The following UST variants were observed in gnomAD, a reference collection of about 807,000 sequenced individuals.
The protein encoded by UST is chondroitin sulfate 2-O-sulfotransferase.
UST carries 21 observed loss-of-function variants against 45.6 expected under a neutral mutation model. The ratio of observed to expected loss-of-function variants is 0.46; its 90% CI spans 0.33 to 0.66. The LOEUF (loss-of-function observed/expected upper bound fraction) is 0.66, where lower values mean the gene tolerates loss of function less well. Among genes scored for constraint, UST ranks in the 30% least tolerant of loss-of-function variants. The pLI is 0.02. For synonymous variants in UST, 215 were observed against 200.6 expected (o/e 1.07, Z -0.61); for missense variants, 463 against 512.4 (o/e 0.90, Z 0.93).
chr6:148,755,819 C>A lies in UST; in HGVS notation c.247+8142C>A, dbSNP rs185497280. Among the ~76,000 whole-genome samples the A allele has an allele frequency of 7.1e-4, 108 of 152,150 alleles. 2 individuals are homozygous for A. In the East Asian group the frequency reaches 0.019, roughly 27 times the overall value. On this transcript the variant is annotated intron_variant, in intron 1 of 7. Coordinates refer to ENST00000367463, the MANE Select transcript of UST (RefSeq NM_005715.3). The stretch of plus-strand genomic sequence containing the variant: ...CTGCCACCTCCACAGAGCTAGATGT[C>A]ATCTCTATAGTTCTGGTAATCATCC...
intron 3 of UST, among the ~76,000 whole-genome samples, chr6:148,945,226 A>G (rs915280617): frequency 1.3e-5 from 2 of 152,322 alleles, no homozygotes; most frequent in South Asian, 2.1e-4. Flanking sequence ...CTGAGTGGGT[A>G]TGATTCCCTG....
At chr6:148,867,315 CACACACACACACAT>C (rs774276928) in intron 1 of UST, among the ~76,000 whole-genome samples, 14 of 144,080 alleles carry the variant, frequency 9.7e-5, no homozygotes, top group South Asian at 2.3e-4. Context: ...CACACACACA[CACACACACACACAT>C]ATATATGTAC....
chr6:148,810,712 T>C (rs1356980471), intron 1 of UST, among the ~76,000 whole-genome samples: 2 of 152,154 alleles, frequency 1.3e-5, no homozygotes, highest in African/African-American at 4.8e-5. Flanking sequence ...ATACAAGGTG[T>C]CACCAGAGAG....
chr6:148,922,938 A>G (rs983086666), intron 2 of UST, among the ~76,000 whole-genome samples: 4 of 152,140 alleles, frequency 2.6e-5, no homozygotes, highest in African/African-American at 9.7e-5. Flanking sequence ...GATTACAGGC[A>G]TGCCCCATGA....
chr6:148,935,254 A>C (rs959193847), intron 2 of UST, among the ~76,000 whole-genome samples: 5 of 152,218 alleles, frequency 3.3e-5, no homozygotes, highest in African/African-American at 1.2e-4. Context: ...TAATTCATAG[A>C]ATGAAAGATT....
chr6:148,938,362 A>G lies in UST; in HGVS notation c.292-2917A>G, dbSNP rs577968141. Among the ~76,000 whole-genome samples, 207 of 152,322 alleles carry G rather than the reference A, an allele frequency of 1.4e-3. 2 individuals carry two copies. The highest frequency in any genetic ancestry group is 2.4e-3 in the Admixed American group (37 of 15,302). On this transcript the variant is annotated intron_variant, in intron 2 of 7. Transcript: ENST00000367463. ...TAAGAAAAAAATACATAATGGAAAA[A>G]TTGCACCAAAATGGCATGTGACTGG...
chr6:149,048,611 ATACT>A (rs1776427911), intron 7 of UST, among the ~76,000 whole-genome samples: 2 of 152,340 alleles, frequency 1.3e-5, no homozygotes, highest in South Asian at 2.1e-4. Context: ...TGTTTAAAAC[ATACT>A]TAAGTTGGCA....
chr6:149,061,223 C>G (rs989057089), intron 7 of UST, among the ~76,000 whole-genome samples: 1 of 152,092 alleles, frequency 6.6e-6, no homozygotes, highest in East Asian at 1.9e-4. Context: ...AGAGCCAGGG[C>G]TACATCGTTT....
intron 1 of UST, among the ~76,000 whole-genome samples, chr6:148,840,368 C>T (rs2128333): frequency 0.25 from 38,532 of 152,106 alleles, 6,150 homozygotes; most frequent in East Asian, 0.53. Flanking sequence ...TTGATTTACA[C>T]GTTCAGTTTT....
At chr6:148,950,472 G>C (rs1345310719) in intron 3 of UST, among the ~76,000 whole-genome samples, 1 of 152,152 alleles carries the variant, frequency 6.6e-6, no homozygotes, top group African/African-American at 2.4e-5. Flanking sequence ...ATAAATGTCA[G>C]AATTCCTGCT....
chr6:148,843,236 A>T (rs1228290167), intron 1 of UST, among the ~76,000 whole-genome samples: 2 of 152,268 alleles, frequency 1.3e-5, no homozygotes, highest in African/African-American at 2.4e-5. Context: ...AGCAAAGGCC[A>T]CTGGCCCAGG....
At chr6:148,991,468 A>G (rs1407777492) in intron 5 of UST, among the ~76,000 whole-genome samples, 1 of 150,402 alleles carries the variant, frequency 6.6e-6, no homozygotes, top group Non-Finnish European at 1.5e-5. Flanking sequence ...CCGTTAACTC[A>G]TCATTTACAT....
intron 5 of UST, among the ~76,000 whole-genome samples, chr6:149,000,921 A>C (rs1781536805): frequency 6.6e-6 from 1 of 152,206 alleles, no homozygotes; most frequent in South Asian, 2.1e-4. Flanking sequence ...AAACAGATAG[A>C]CAGATAGAGC....
chr6:148,878,552 G>A (rs1490331507), intron 1 of UST, among the ~76,000 whole-genome samples: 3 of 116,900 alleles, frequency 2.6e-5, no homozygotes, highest in Admixed American at 2.5e-4. Context: ...TATGAGTGTG[G>A]GGGATCGTGT....
chr6:149,030,591 A>G (rs1286971130), intron 7 of UST, among the ~76,000 whole-genome samples: 2 of 152,178 alleles, frequency 1.3e-5, no homozygotes, highest in Non-Finnish European at 2.9e-5. Flanking sequence ...TAAAAACTCA[A>G]TTATCATTGA....
chr6:149,013,519 T>C (rs1232154974), intron 5 of UST, among the ~76,000 whole-genome samples: 1 of 148,012 alleles, frequency 6.8e-6, no homozygotes, highest in African/African-American at 2.5e-5. Flanking sequence ...AGAGCGAAAC[T>C]CTGTCTCAAA....
intron 1 of UST, among the ~76,000 whole-genome samples, chr6:148,835,423 A>C (rs1213411111): frequency 6.6e-6 from 1 of 152,194 alleles, no homozygotes; most frequent in Non-Finnish European, 1.5e-5. Context: ...TCCAGTTGGG[A>C]GAAAGGCAGT....
chr6:148,949,191 T>C (rs1041963616), intron 3 of UST, among the ~76,000 whole-genome samples: 1 of 151,624 alleles, frequency 6.6e-6, no homozygotes, highest in African/African-American at 2.4e-5. Flanking sequence ...CTGGGGAGGC[T>C]GGGGCAGGAG....
chr6:148,761,241 C>T (rs979632132), intron 1 of UST, among the ~76,000 whole-genome samples: 1 of 152,200 alleles, frequency 6.6e-6, no homozygotes. Context: ...GACGCCCTCT[C>T]TGCTCAGAAC....
Sources: allele counts gnomAD v4.1 joint callset (sites outside exome capture counted in the v4.1 genomes callset), GRCh38; gene constraint gnomAD v4.1.1; transcripts MANE v1.5; gene names NCBI Gene and HGNC (gene_info 2026-07-23, HGNC 2026-07-21).